The following DUSP26 variants were observed in gnomAD, a reference collection of about 807,000 sequenced individuals.
DUSP26 encodes the protein dual specificity phosphatase 26.
A neutral mutation model predicts 20.0 loss-of-function variants in DUSP26; 12 were observed. That is an observed-to-expected ratio of 0.60 (90% CI 0.38 to 0.97). The LOEUF (loss-of-function observed/expected upper bound fraction) is 0.97, where lower values mean the gene tolerates loss of function less well. DUSP26 is among the 50% of genes least tolerant of loss of function. The pLI, the probability that DUSP26 is intolerant of heterozygous loss-of-function variation, is 0.00. For missense variants in DUSP26, 230 were observed against 294.0 expected, an observed-to-expected ratio of 0.78 and a Z score of 1.59; for synonymous variants, 120 against 118.8, an observed-to-expected ratio of 1.01 and a Z score of -0.06.
At position 33,593,629 on chromosome 8, in the gene DUSP26, G is replaced by C; in HGVS notation, c.340C>G (p.Leu114Val). The C allele has an allele frequency of 6.2e-7, 1 of 1,614,212 alleles. No individual in the cohort carries two copies. Among genetic ancestry groups the C allele is most frequent in the Non-Finnish European group, 8.5e-7 (1 of 1,180,040 alleles). Reference protein sequence around the residue: ...EAYEGLGIRYLGVEAHDSPAF... With the variant: ...EAYEGLGIRYVGVEAHDSPAF... The stretch of plus-strand genomic sequence containing the variant: ...GGCGAGTCGTGGGCCTCAACACCCA[G>C]GTAGCGGATGCCCAGCCCCTCATAG... Residue 114 changes from leucine (L) to valine (V), a missense_variant, in exon 3 of 4, where the codon CTG (leucine) becomes GTG (valine). Coordinates refer to ENST00000256261, the MANE Select transcript of DUSP26 (RefSeq NM_024025.3).
intron 3 of DUSP26, among the ~76,000 whole-genome samples, 156 bp from the exon 4 acceptor site, chr8:33,592,368 C>A (rs947700472): frequency 2.0e-5 from 3 of 151,332 alleles, no homozygotes; most frequent in African/African-American, 7.3e-5. Context: ...GTCAGGAGTT[C>A]GAGACCAGCC....
chr8:33,594,889 A>G (rs570349708), intron 2 of DUSP26, among the ~76,000 whole-genome samples: 1 of 151,876 alleles, frequency 6.6e-6, no homozygotes, highest in Non-Finnish European at 1.5e-5. Context: ...ATGCCCGGCT[A>G]ATTTTTGTAT....
In DUSP26 at chr8:33,592,127, G is replaced by A; in HGVS notation, c.522C>T (p.Thr174=). The change falls in exon 4 of 4, where the codon ACC becomes ACT. Residue 174 remains threonine, a synonymous_variant. Coordinates refer to ENST00000256261, the MANE Select transcript of DUSP26 (RefSeq NM_024025.3). ...LAYLMLYHHL[T]LVEAIKKVKD... is the part of the protein sequence containing the mutation. ...TGACTTTCTTGATGGCCTCCACGAGGGTAAGGTGGTGGTACAGCATGAGGT... is the reference window on the plus strand; with the variant it reads ...TGACTTTCTTGATGGCCTCCACGAGAGTAAGGTGGTGGTACAGCATGAGGT... 6.2e-7 allele frequency: 1 copy of A among 1,614,106 alleles called. No homozygotes were observed. The highest frequency in any genetic ancestry group is 8.5e-7 in the Non-Finnish European group (1 of 1,180,018).
Position 33,591,877 on chromosome 8 carries a change from TG to T in DUSP26, c.*135del. 1.0e-6 allele frequency: 1 copy of T among 989,664 alleles called. No individual in the cohort carries two copies. Among genetic ancestry groups the T allele is most frequent in the Non-Finnish European group, 1.5e-6 (1 of 686,706 alleles). 61.3% of individuals were successfully genotyped at this position (989,664 alleles called of 1,614,324 possible). A position where few individuals can be genotyped will look rare whatever the true frequency, so the allele number is the denominator to read the frequency against. On this transcript the variant is annotated 3_prime_UTR_variant, in exon 4 of 4. Transcript: ENST00000256261. Reference sequence around the variant, plus strand: ...CCTCCCACAAAGAGTGACAGTGGCCTGGGGCTCGGCCTCTCCTGACCCCAGG... The same window carrying T: ...CCTCCCACAAAGAGTGACAGTGGCCTGGGCTCGGCCTCTCCTGACCCCAGG...
In DUSP26 at chr8:33,597,607, G is replaced by T; in HGVS notation, c.-76-16C>A. On this transcript the variant is annotated splice_polypyrimidine_tract_variant and intron_variant, in intron 1 of 3. Coordinates refer to ENST00000256261, the MANE Select transcript of DUSP26 (RefSeq NM_024025.3). Reference sequence around the variant, plus strand: ...GTAGCTGCTGCTGGAAGAGGAAGGGGTGTGAGACACACTTGAGTGAGTCCA... The same window carrying T: ...GTAGCTGCTGCTGGAAGAGGAAGGGTTGTGAGACACACTTGAGTGAGTCCA... The T allele has an allele frequency of 8.8e-7, 1 of 1,130,992 alleles. No homozygotes were observed. 70.1% of individuals were successfully genotyped at this position (1,130,992 alleles called of 1,614,324 possible).
At chr8:33,598,706 G>T (rs1377460032) in intron 1 of DUSP26, among the ~76,000 whole-genome samples, 2 of 152,164 alleles carry the variant, frequency 1.3e-5, no homozygotes, top group Non-Finnish European at 2.9e-5. Flanking sequence ...AGCGTTTGAG[G>T]CTTGCCCTGG....
rs778092027 is a variant in DUSP26, at chr8:33,597,464, A to G, written c.52T>C (p.Ser18Pro). ...ACAGGAGACCTTGAGCTACTCCGGG[A>G]GAAGCGGGCCATAAAAGTCATAGAA... ...WASMTFMARF[S>P]RSSSRSPVRT... The change falls in exon 2 of 4, where the codon TCC becomes CCC. Residue 18 changes from serine (S) to proline (P), a missense_variant. By Grantham distance (74) the Ser-to-Pro change is moderately conservative. Transcript: ENST00000256261. 6.2e-7 allele frequency: 1 copy of G among 1,613,948 alleles called. No individual in the cohort carries two copies. The highest frequency in any genetic ancestry group is 8.5e-7 in the Non-Finnish European group (1 of 1,180,006).
intron 2 of DUSP26, among the ~76,000 whole-genome samples, chr8:33,595,001 C>G (rs780547935): frequency 6.6e-6 from 1 of 152,012 alleles, no homozygotes; most frequent in Non-Finnish European, 1.5e-5. Flanking sequence ...GGATTATAGG[C>G]GTGAGCCACT....
chr8:33,591,997 C>T lies in DUSP26; in HGVS notation c.*16G>A. 1 of 1,612,180 alleles carries T rather than the reference C, an allele frequency of 6.2e-7. No individual in the cohort carries two copies. Among genetic ancestry groups the T allele is most frequent in the Admixed American group, 1.7e-5 (1 of 59,994 alleles). ...GACCTACCCACGGGCCTGGCCTGAC[C>T]TCTCTCCCCCTCCCCTCATGCTTCC... is the stretch of plus-strand genomic sequence containing the variant. On this transcript the variant is annotated 3_prime_UTR_variant, in exon 4 of 4. Coordinates refer to ENST00000256261, the MANE Select transcript of DUSP26 (RefSeq NM_024025.3).
chr8:33,593,700 T>G lies in DUSP26; in HGVS notation c.269A>C (p.His90Pro). ...RRELRRLGIT[H>P]VLNASHSRWR... Reference sequence around the variant, plus strand: ...CCGGCTGTGTGAGGCATTGAGGACGTGCGTGATGCCCAGGCGGCGAAGCTC... The same window carrying G: ...CCGGCTGTGTGAGGCATTGAGGACGGGCGTGATGCCCAGGCGGCGAAGCTC... The change falls in exon 3 of 4, where the codon CAC becomes CCC. Residue 90 changes from histidine to proline, a missense_variant. Transcript: ENST00000256261. 6.2e-7 allele frequency: 1 copy of G among 1,614,184 alleles called. No individual in the cohort carries two copies. The highest frequency in any genetic ancestry group is 1.3e-5 in the African/African-American group (1 of 75,066).
chr8:33,595,001 C>T (rs780547935), intron 2 of DUSP26, among the ~76,000 whole-genome samples: 1 of 152,130 alleles, frequency 6.6e-6, no homozygotes, highest in East Asian at 1.9e-4. Flanking sequence ...GGATTATAGG[C>T]GTGAGCCACT....
intron 3 of DUSP26, among the ~76,000 whole-genome samples, chr8:33,593,315 C>T (rs894487562): frequency 6.6e-6 from 1 of 152,050 alleles, no homozygotes; most frequent in Non-Finnish European, 1.5e-5. Flanking sequence ...AATCTTGCCA[C>T]CCAGGTGTAA....
At chr8:33,597,912 G>GACA in intron 1 of DUSP26, 1 of 64,668 alleles carries the variant, frequency 1.5e-5, no homozygotes, top group East Asian at 5.7e-4. Context: ...CACACACACG[G>GACA]CACTTGGGTG....
chr8:33,594,359 G>A lies in DUSP26; in HGVS notation c.222-612C>T, dbSNP rs550626750. On this transcript the variant is annotated intron_variant, in intron 2 of 3. Coordinates refer to ENST00000256261, the MANE Select transcript of DUSP26 (RefSeq NM_024025.3). ...TGTAATCCCAGCACTTTGGGAGGCC[G>A]AGGCGGGCGGATCACGAGGTCAGGA... is the stretch of plus-strand genomic sequence containing the variant. 2.8e-3 allele frequency among the ~76,000 whole-genome samples: 431 copies of A among 151,862 alleles called. 1 individual carries two copies. Among genetic ancestry groups the A allele is most frequent in the Non-Finnish European group, 5.5e-3 (373 of 67,946 alleles).
intron 2 of DUSP26, among the ~76,000 whole-genome samples, chr8:33,595,253 T>C (rs1238905001): frequency 1.3e-5 from 2 of 152,176 alleles, no homozygotes; most frequent in Non-Finnish European, 2.9e-5. Context: ...TGACATCCAC[T>C]TCCACACCTA....
chr8:33,598,555 A>G (rs896264472), intron 1 of DUSP26, among the ~76,000 whole-genome samples: 7 of 152,108 alleles, frequency 4.6e-5, no homozygotes, highest in Admixed American at 3.9e-4. Flanking sequence ...GGATCCTGCC[A>G]GGTCCAGGGG....
intron 2 of DUSP26, among the ~76,000 whole-genome samples, chr8:33,594,118 C>G (rs1334479162): frequency 1.3e-5 from 2 of 151,930 alleles, no homozygotes; most frequent in Non-Finnish European, 2.9e-5. Context: ...CCATGCCTGG[C>G]CTCCTGGATC....
Position 33,597,398 on chromosome 8 carries a change from G to A in DUSP26, c.118C>T (p.His40Tyr), listed in dbSNP as rs746532538. 1 of 1,614,188 alleles carries A rather than the reference G, an allele frequency of 6.2e-7. No homozygotes were observed. The highest frequency in any genetic ancestry group is 8.5e-7 in the Non-Finnish European group (1 of 1,180,052). Residue 40 changes from histidine (H) to tyrosine (Y), a missense_variant, in exon 2 of 4, where the codon CAT becomes TAT. Transcript: ENST00000256261. Reference sequence around the variant, plus strand: ...AACTCGAAGACATTGAGGAAAGGATGTTGAACGGTTGGCATCTCCTCCAGG... The same window carrying A: ...AACTCGAAGACATTGAGGAAAGGATATTGAACGGTTGGCATCTCCTCCAGG... Reference protein sequence around the residue: ...GTLEEMPTVQHPFLNVFELER... With the variant: ...GTLEEMPTVQYPFLNVFELER...
At chr8:33,599,564 C>A (rs1349666305) in intron 1 of DUSP26, 101 bp downstream of exon 1, 1 of 152,076 alleles carries the variant, frequency 6.6e-6, no homozygotes, top group Non-Finnish European at 1.5e-5. Context: ...CTCGGGTGCC[C>A]GCTTCCCGGT....
Sources: gnomAD v4.1 joint callset for allele counts (sites outside exome capture counted in the v4.1 genomes callset) on GRCh38, gnomAD v4.1.1 for gene constraint, MANE v1.5 for transcripts, NCBI Gene and HGNC (gene_info 2026-07-23, HGNC 2026-07-21) for gene names.